Variants in ADARB2 observed in about 807,000 individuals in gnomAD.
ADARB2 encodes adenosine deaminase RNA specific B2 (inactive).
Under a neutral mutation model 62.2 loss-of-function variants are expected in ADARB2, and 25 were observed. The observed-to-expected ratio is 0.40, with a 90% CI of 0.29 to 0.56. ADARB2 has a LOEUF of 0.56. Ranked by LOEUF, ADARB2 falls within the 20% of genes least tolerant of loss-of-function variation. The probability of loss-of-function intolerance (pLI) is 0.43; values close to 1 mark genes in which losing one functional copy is unlikely to be tolerated. For synonymous variants in ADARB2, 572 were observed against 500.8 expected (o/e 1.14, Z -1.90); for missense variants, 1,071 against 1,077.4 (o/e 0.99, Z 0.08).
At chr10:1,587,616 A>C (rs2132005264) in intron 1 of ADARB2, among the ~76,000 whole-genome samples, 1 of 152,276 alleles carries the variant, frequency 6.6e-6, no homozygotes, top group African/African-American at 2.4e-5. Context: ...CGTGAGAAAT[A>C]ATACTGATCT....
At chr10:1,309,944 A>G (rs1298363173) in intron 3 of ADARB2, among the ~76,000 whole-genome samples, 1 of 152,214 alleles carries the variant, frequency 6.6e-6, no homozygotes, top group African/African-American at 2.4e-5. Flanking sequence ...TTCCACCTGG[A>G]ATCTCCGTCT....
chr10:1,345,366 C>T (rs1375028009), intron 3 of ADARB2, among the ~76,000 whole-genome samples: 1 of 152,176 alleles, frequency 6.6e-6, no homozygotes, highest in Non-Finnish European at 1.5e-5. Context: ...ATATGTTGCT[C>T]CGGACACCCA....
At chr10:1,729,611 C>T (rs531952469) in intron 1 of ADARB2, among the ~76,000 whole-genome samples, 4 of 152,272 alleles carry the variant, frequency 2.6e-5, no homozygotes, top group East Asian at 1.9e-4. Flanking sequence ...TTTATACTTC[C>T]GGTGGACTTA....
At chr10:1,428,533 C>T (rs897210460) in intron 1 of ADARB2, among the ~76,000 whole-genome samples, 22 of 151,460 alleles carry the variant, frequency 1.5e-4, no homozygotes, top group Non-Finnish European at 2.5e-4. Flanking sequence ...GTGATCCGCC[C>T]GCCTCTGCCT....
chr10:1,489,634 G>C (rs763162210), intron 1 of ADARB2, among the ~76,000 whole-genome samples: 4 of 152,182 alleles, frequency 2.6e-5, no homozygotes, highest in Admixed American at 1.3e-4. Context: ...AAATGCTTTT[G>C]AGTAACAATT....
At chr10:1,638,585 A>C (rs1478256481) in intron 1 of ADARB2, among the ~76,000 whole-genome samples, 2 of 152,050 alleles carry the variant, frequency 1.3e-5, no homozygotes, top group Non-Finnish European at 2.9e-5. Context: ...ACTGCTAGCC[A>C]GACATCGTTC....
chr10:1,191,655 AT>A (rs1836847461), intron 8 of ADARB2, among the ~76,000 whole-genome samples: 1 of 152,212 alleles, frequency 6.6e-6, no homozygotes, highest in African/African-American at 2.4e-5. Context: ...CATGCAGCAT[AT>A]GGGCCATTCA....
chr10:1,697,876 A>G (rs1391271641), intron 1 of ADARB2, among the ~76,000 whole-genome samples: 1 of 152,200 alleles, frequency 6.6e-6, no homozygotes, highest in Non-Finnish European at 1.5e-5. Context: ...CCGTGAATTC[A>G]TCCCTATTTG....
intron 1 of ADARB2, among the ~76,000 whole-genome samples, chr10:1,518,568 G>T (rs1166872773): frequency 1.3e-5 from 2 of 152,130 alleles, no homozygotes; most frequent in Non-Finnish European, 2.9e-5. Context: ...TCTGCATGTG[G>T]TGTGGTCATA....
chr10:1,259,909 T>C (rs985356356), intron 4 of ADARB2, among the ~76,000 whole-genome samples: 11 of 152,158 alleles, frequency 7.2e-5, no homozygotes, highest in Admixed American at 4.6e-4. Context: ...CAATAAAATA[T>C]GGGCAAACCG....
At chr10:1,540,396 T>G (rs1433485215) in intron 1 of ADARB2, among the ~76,000 whole-genome samples, 2 of 134,376 alleles carry the variant, frequency 1.5e-5, no homozygotes, top group Admixed American at 1.5e-4. Context: ...CCAGGGCACG[T>G]GAGTCTCACC....
At chr10:1,686,608 G>T (rs929897671) in intron 1 of ADARB2, among the ~76,000 whole-genome samples, 1 of 152,162 alleles carries the variant, frequency 6.6e-6, no homozygotes, top group African/African-American at 2.4e-5. Context: ...AACCCGCTGG[G>T]CTTCCGGCAC....
intron 1 of ADARB2, among the ~76,000 whole-genome samples, chr10:1,468,410 C>T (rs937952455): frequency 5.3e-5 from 8 of 152,266 alleles, no homozygotes; most frequent in Non-Finnish European, 8.8e-5. Context: ...GGTAGTGTGG[C>T]GTCAACGGGG....
chr10:1,697,529 A>G (rs973392120), intron 1 of ADARB2, among the ~76,000 whole-genome samples: 4 of 152,210 alleles, frequency 2.6e-5, no homozygotes, highest in Admixed American at 2.6e-4. Context: ...AAGTGAGAAA[A>G]GATTCATCTA....
chr10:1,401,671 C>A (rs540147233), intron 1 of ADARB2, among the ~76,000 whole-genome samples: 1 of 152,326 alleles, frequency 6.6e-6, no homozygotes, highest in Admixed American at 6.5e-5. Context: ...CGAAGAGCGG[C>A]GGCTTCACGG....
intron 1 of ADARB2, among the ~76,000 whole-genome samples, chr10:1,570,734 G>C (rs1832923305): frequency 6.6e-6 from 1 of 152,192 alleles, no homozygotes; most frequent in Non-Finnish European, 1.5e-5. Flanking sequence ...GGAAAGGCAT[G>C]GGGGCTGGTT....
intron 7 of ADARB2, among the ~76,000 whole-genome samples, chr10:1,204,171 G>A (rs578051306): frequency 1.3e-5 from 2 of 152,258 alleles, no homozygotes; most frequent in East Asian, 3.9e-4. Flanking sequence ...TGACAAGACA[G>A]GTAATAAGTC....
intron 1 of ADARB2, among the ~76,000 whole-genome samples, chr10:1,504,064 T>A (rs1831802779): frequency 6.6e-6 from 1 of 152,232 alleles, no homozygotes; most frequent in African/African-American, 2.4e-5. Flanking sequence ...TTCCCAATCC[T>A]TCACTCTGCC....
chr10:1,402,363 G>A (rs1434411029), intron 1 of ADARB2, among the ~76,000 whole-genome samples: 1 of 152,152 alleles, frequency 6.6e-6, no homozygotes, highest in Non-Finnish European at 1.5e-5. Flanking sequence ...AGCCTGCCAC[G>A]TGCCCACTCT....
Sources: allele counts gnomAD v4.1 joint callset (sites outside exome capture counted in the v4.1 genomes callset), GRCh38; gene constraint gnomAD v4.1.1; transcripts MANE v1.5; gene names NCBI Gene and HGNC (gene_info 2026-07-23, HGNC 2026-07-21).